SLC9C2: variants seen among roughly 807,000 people sequenced by gnomAD.
The protein encoded by SLC9C2 is sodium/hydrogen exchanger 11.
A neutral mutation model predicts 140.2 loss-of-function variants in SLC9C2; 75 were observed. That is an observed-to-expected ratio of 0.53 (90% confidence interval 0.44 to 0.65). The LOEUF is 0.65. Ranked by LOEUF, SLC9C2 falls within the 30% of genes least tolerant of loss-of-function variation. The probability of loss-of-function intolerance (pLI) is 0.00; values close to 1 mark genes in which losing one functional copy is unlikely to be tolerated. For synonymous variants in SLC9C2, 375 were observed against 420.9 expected (o/e 0.89, Z 1.34); for missense variants, 1,074 against 1,331.8 (o/e 0.81, Z 3.01).
intron 15 of SLC9C2, 41 bp downstream of exon 15, chr1:173,535,789 T>C: frequency 6.9e-7 from 1 of 1,453,832 alleles, no homozygotes; most frequent in Non-Finnish European, 9.2e-7. Flanking sequence ...GAAATGGTAG[T>C]ATTTTCAAGT....
chr1:173,508,115 A>G (rs1174311103), intron 24 of SLC9C2, among the ~76,000 whole-genome samples: 1 of 152,096 alleles, frequency 6.6e-6, no homozygotes, highest in Non-Finnish European at 1.5e-5. Context: ...ACTGGGAACC[A>G]AAAACATTTA....
intron 13 of SLC9C2, among the ~76,000 whole-genome samples, chr1:173,538,881 T>A (rs1437270007): frequency 6.6e-6 from 1 of 152,126 alleles, no homozygotes; most frequent in Non-Finnish European, 1.5e-5. Context: ...TGACTTAATA[T>A]CATAGGTAAA....
Position 173,500,723 on chromosome 1 carries a change from CA to C in SLC9C2, c.*370del, listed in dbSNP as rs2101869403. On this transcript the variant is annotated 3_prime_UTR_variant, in exon 28 of 28. Coordinates refer to ENST00000367714, the MANE Select transcript of SLC9C2 (RefSeq NM_178527.4). ...ATAACAATTTCACAAATGAAAATTA[CA>C]GGTTCTATGCTTTAGAGAGTAACAT... 1 of 156,542 alleles carries C rather than the reference CA, an allele frequency of 6.4e-6. No homozygotes were observed. Among genetic ancestry groups the C allele is most frequent in the Admixed American group, 6.5e-5 (1 of 15,428 alleles). 9.7% of individuals were successfully genotyped at this position (156,542 alleles called of 1,614,324 possible).
At chr1:173,517,789 C>A (rs1660522389) in intron 22 of SLC9C2, 85 bp from the exon 23 acceptor site, 3 of 1,170,552 alleles carry the variant, frequency 2.6e-6, no homozygotes, top group Non-Finnish European at 3.4e-6. Context: ...CTATTTCTTA[C>A]AACTTTCCAA....
intron 2 of SLC9C2, among the ~76,000 whole-genome samples, chr1:173,601,145 C>T (rs1666753654): frequency 6.6e-6 from 1 of 152,016 alleles, no homozygotes; most frequent in African/African-American, 2.4e-5. Context: ...AGAGATTACA[C>T]CAAAAGCCAT....
At chr1:173,509,723 A>T (rs766952706) in intron 23 of SLC9C2, 24 bp from the exon 24 acceptor site, 1 of 1,566,290 alleles carries the variant, frequency 6.4e-7, no homozygotes, top group Non-Finnish European at 8.6e-7. Context: ...GAACCAGGCC[A>T]TAGCAGCTTG....
At chr1:173,505,377 T>G (rs1294152215) in intron 25 of SLC9C2, 46 bp from the exon 26 acceptor site, 1 of 1,409,458 alleles carries the variant, frequency 7.1e-7, no homozygotes, top group Non-Finnish European at 1.0e-6. Flanking sequence ...TTCTTTGATC[T>G]CTAACCTGGC....
At chr1:173,535,782 A>G in intron 15 of SLC9C2, 48 bp downstream of exon 15, 1 of 1,449,004 alleles carries the variant, frequency 6.9e-7, no homozygotes, top group Non-Finnish European at 9.2e-7. Flanking sequence ...CAATGTAGAA[A>G]TGGTAGTATT....
intron 23 of SLC9C2, among the ~76,000 whole-genome samples, chr1:173,516,904 T>C (rs951596518): frequency 3.9e-5 from 6 of 152,248 alleles, no homozygotes; most frequent in Non-Finnish European, 8.8e-5. Context: ...TCTTCCACAA[T>C]GGTTGAATTA....
chr1:173,570,196 G>A (rs73029321), intron 9 of SLC9C2, among the ~76,000 whole-genome samples: 1 of 152,078 alleles, frequency 6.6e-6, no homozygotes, highest in Non-Finnish European at 1.5e-5. Context: ...TCTCACCCAA[G>A]GCCCACAGCA....
intron 9 of SLC9C2, among the ~76,000 whole-genome samples, chr1:173,568,423 C>A (rs1252559522): frequency 1.3e-5 from 2 of 152,108 alleles, no homozygotes; most frequent in African/African-American, 4.8e-5. Flanking sequence ...AGGATAATAA[C>A]CTCCAACTCT....
chr1:173,515,869 G>A (rs1660381103), intron 23 of SLC9C2, among the ~76,000 whole-genome samples: 1 of 152,158 alleles, frequency 6.6e-6, no homozygotes, highest in South Asian at 2.1e-4. Context: ...TGTTGTTGTT[G>A]ATGCTGTTGT....
At chr1:173,513,297 C>CT (rs1469068917) in intron 23 of SLC9C2, among the ~76,000 whole-genome samples, 2 of 149,778 alleles carry the variant, frequency 1.3e-5, no homozygotes, top group Non-Finnish European at 2.9e-5. Context: ...TGGTCCTGGG[C>CT]TTTTTTTGGT....
intron 13 of SLC9C2, among the ~76,000 whole-genome samples, chr1:173,539,646 T>C (rs301696): frequency 0.81 from 122,528 of 152,088 alleles, 50,276 homozygotes; most frequent in East Asian, 1. Context: ...AAATCATGAG[T>C]GTAGCTGGGA....
intron 9 of SLC9C2, among the ~76,000 whole-genome samples, chr1:173,567,976 CT>C (rs1318666584): frequency 1.3e-5 from 2 of 152,074 alleles, no homozygotes; most frequent in Non-Finnish European, 2.9e-5. Context: ...CTTTACCCCC[CT>C]GCTATTTAAC....
At chr1:173,525,334 G>C (rs1179740717) in intron 19 of SLC9C2, among the ~76,000 whole-genome samples, 3 of 152,152 alleles carry the variant, frequency 2.0e-5, no homozygotes, top group African/African-American at 7.2e-5. Flanking sequence ...TGAGATCAAG[G>C]AGCATATTCT....
intron 18 of SLC9C2, 95 bp downstream of exon 18, chr1:173,529,810 T>G: frequency 7.3e-7 from 1 of 1,370,690 alleles, no homozygotes; most frequent in African/African-American, 1.5e-5. Flanking sequence ...TGTTGGAATT[T>G]GTCTGTTTCG....
chr1:173,549,650 TCTGA>T (rs1439305174), intron 11 of SLC9C2, among the ~76,000 whole-genome samples: 1 of 152,208 alleles, frequency 6.6e-6, no homozygotes, highest in Non-Finnish European at 1.5e-5. Context: ...GGTTTGAAAC[TCTGA>T]CTGATAAAAC....
intron 5 of SLC9C2, among the ~76,000 whole-genome samples, chr1:173,587,134 A>G (rs1014404220): frequency 2.0e-5 from 3 of 152,174 alleles, no homozygotes; most frequent in African/African-American, 7.2e-5. Context: ...CCTCTTGGGA[A>G]TAAGCTTTTA....
Sources: allele counts gnomAD v4.1 joint callset (sites outside exome capture counted in the v4.1 genomes callset), GRCh38; gene constraint gnomAD v4.1.1; transcripts MANE v1.5; gene names NCBI Gene and HGNC (gene_info 2026-07-23, HGNC 2026-07-21).